CFAP299: variants seen among roughly 807,000 people sequenced by gnomAD.
CFAP299 encodes the protein cilia- and flagella-associated protein 299.
In CFAP299, 21 loss-of-function variants were observed where a neutral mutation model predicts 27.0. The observed-to-expected ratio is 0.78, with a 90% CI of 0.55 to 1.12. The LOEUF (loss-of-function observed/expected upper bound fraction) is 1.12. CFAP299 is among the 50% of genes most tolerant of loss of function. The probability of loss-of-function intolerance (pLI) is 0.00; values close to 1 mark genes in which losing one functional copy is unlikely to be tolerated. For synonymous variants in CFAP299, 104 were observed against 98.1 expected (o/e 1.06, Z -0.36); for missense variants, 310 against 276.6 (o/e 1.12, Z -0.86).
chr4:80,341,298 A>C (rs895425055), intron 1 of CFAP299, among the ~76,000 whole-genome samples: 1 of 152,132 alleles, frequency 6.6e-6, no homozygotes, highest in Non-Finnish European at 1.5e-5. Flanking sequence ...TGGATGAGGA[A>C]GGATCCCCCA....
At chr4:80,414,933 C>T (rs1726925361) in intron 2 of CFAP299, among the ~76,000 whole-genome samples, 1 of 152,112 alleles carries the variant, frequency 6.6e-6, no homozygotes, top group Non-Finnish European at 1.5e-5. Context: ...TGGGACTATT[C>T]CCTTTTGGTT....
intron 2 of CFAP299, among the ~76,000 whole-genome samples, chr4:80,482,163 A>T (rs1315432711): frequency 6.6e-6 from 1 of 151,788 alleles, no homozygotes; most frequent in Non-Finnish European, 1.5e-5. Context: ...TATGCTTGAA[A>T]TTCTTTTACC....
At chr4:80,791,633 A>G (rs982468515) in intron 3 of CFAP299, among the ~76,000 whole-genome samples, 2 of 152,082 alleles carry the variant, frequency 1.3e-5, no homozygotes, top group Non-Finnish European at 2.9e-5. Flanking sequence ...AGTAAAATTC[A>G]TACTGCTTTA....
intron 3 of CFAP299, among the ~76,000 whole-genome samples, chr4:80,862,644 T>A (rs1732454719): frequency 1.3e-5 from 2 of 152,152 alleles, no homozygotes; most frequent in Non-Finnish European, 2.9e-5. Context: ...CACTCTGCCC[T>A]GCCTCTTGAG....
intron 2 of CFAP299, among the ~76,000 whole-genome samples, chr4:80,482,443 G>A (rs997322441): frequency 1.3e-5 from 2 of 152,026 alleles, no homozygotes; most frequent in South Asian, 2.1e-4. Flanking sequence ...GAATATTTTA[G>A]CACATAAACT....
intron 3 of CFAP299, among the ~76,000 whole-genome samples, chr4:80,857,769 G>T (rs1245905714): frequency 6.6e-6 from 1 of 152,146 alleles, no homozygotes; most frequent in African/African-American, 2.4e-5. Flanking sequence ...CTTGATCATG[G>T]TGGATAAGCT....
At chr4:80,782,192 G>C (rs1254613018) in intron 3 of CFAP299, among the ~76,000 whole-genome samples, 1 of 151,892 alleles carries the variant, frequency 6.6e-6, no homozygotes, top group Non-Finnish European at 1.5e-5. Context: ...GCAAAAGTGA[G>C]ACATCTTCTT....
intron 2 of CFAP299, among the ~76,000 whole-genome samples, chr4:80,515,859 A>C (rs918033614): frequency 3.3e-5 from 5 of 152,186 alleles, no homozygotes; most frequent in African/African-American, 1.2e-4. Context: ...GGAGAATTTC[A>C]TACAAAGCCT....
chr4:80,532,089 G>A (rs1733508056), intron 2 of CFAP299, among the ~76,000 whole-genome samples: 1 of 152,058 alleles, frequency 6.6e-6, no homozygotes, highest in Non-Finnish European at 1.5e-5. Flanking sequence ...CTCTAGGAAA[G>A]ATTTTTTAAG....
intron 5 of CFAP299, among the ~76,000 whole-genome samples, chr4:80,961,502 T>C (rs1454305570): frequency 1.3e-5 from 2 of 151,850 alleles, no homozygotes. Context: ...TAAGAATGTA[T>C]TTATATAAGA....
At chr4:80,618,807 G>T (rs924703599) in intron 3 of CFAP299, among the ~76,000 whole-genome samples, 11 of 151,922 alleles carry the variant, frequency 7.2e-5, no homozygotes, top group Admixed American at 5.3e-4. Flanking sequence ...TTTACTTAGT[G>T]TAATAAGGGT....
At chr4:80,809,398 T>C (rs1180207654) in intron 3 of CFAP299, among the ~76,000 whole-genome samples, 1 of 152,146 alleles carries the variant, frequency 6.6e-6, no homozygotes, top group Non-Finnish European at 1.5e-5. Flanking sequence ...GAATAAACCA[T>C]GCAAGTGTTT....
At chr4:80,570,112 C>G in intron 2 of CFAP299, among the ~76,000 whole-genome samples, 1 of 151,746 alleles carries the variant, frequency 6.6e-6, no homozygotes, top group East Asian at 1.9e-4. Flanking sequence ...ATAGAGAAGC[C>G]AGAAACAGAT....
chr4:80,675,620 G>T (rs531548785), intron 3 of CFAP299, among the ~76,000 whole-genome samples: 4 of 152,196 alleles, frequency 2.6e-5, no homozygotes, highest in Admixed American at 2.6e-4. Context: ...GCTGCCTTTT[G>T]TTCAGCTATG....
At chr4:80,535,861 G>C (rs1387663690) in intron 2 of CFAP299, among the ~76,000 whole-genome samples, 2 of 152,166 alleles carry the variant, frequency 1.3e-5, no homozygotes, top group East Asian at 3.9e-4. Flanking sequence ...TGTATCCTCA[G>C]TTGGCCACCT....
chr4:80,537,223 TTCAC>T (rs1733787422), intron 2 of CFAP299, among the ~76,000 whole-genome samples: 1 of 152,114 alleles, frequency 6.6e-6, no homozygotes, highest in Non-Finnish European at 1.5e-5. Flanking sequence ...GGAACCCTCA[TTCAC>T]TGTTGGTGAG....
chr4:80,593,381 GCTA>G (rs1298206887), intron 3 of CFAP299, among the ~76,000 whole-genome samples: 2 of 152,218 alleles, frequency 1.3e-5, no homozygotes, highest in Admixed American at 6.5e-5. Flanking sequence ...TCTAGGGATT[GCTA>G]CTCCTCTTCA....
intron 3 of CFAP299, among the ~76,000 whole-genome samples, chr4:80,617,598 G>GA (rs1335046031): frequency 1.3e-5 from 2 of 151,756 alleles, no homozygotes; most frequent in Non-Finnish European, 2.9e-5. Context: ...CTTCACAATA[G>GA]AAAAAAAATT....
At chr4:80,773,409 A>AG in intron 3 of CFAP299, among the ~76,000 whole-genome samples, 1 of 152,250 alleles carries the variant, frequency 6.6e-6, no homozygotes, top group East Asian at 1.9e-4. Flanking sequence ...CTATTAGCCT[A>AG]TCCTATTTGG....
Sources: allele counts gnomAD v4.1 joint callset (sites outside exome capture counted in the v4.1 genomes callset), GRCh38; gene constraint gnomAD v4.1.1; transcripts MANE v1.5; gene names NCBI Gene and HGNC (gene_info 2026-07-23, HGNC 2026-07-21).